Variants in NSD1 observed in about 807,000 individuals in gnomAD.
NSD1 encodes nuclear receptor binding SET domain protein 1, also known as histone-lysine N-methyltransferase, H3 lysine-36 specific.
In NSD1, 26 loss-of-function variants were observed where a neutral mutation model predicts 242.7. The ratio of observed to expected loss-of-function variants is 0.11; its 90% CI spans 0.08 to 0.15. The LOEUF (loss-of-function observed/expected upper bound fraction) is 0.15, where lower values mean the gene tolerates loss of function less well. Ranked by LOEUF, NSD1 falls within the 10% of genes least tolerant of loss-of-function variation. The pLI is 1.00. For missense variants in NSD1, 2,495 were observed against 3,272.8 expected (o/e 0.76, Z 5.80); for synonymous variants, 1,106 against 1,178.1 (o/e 0.94, Z 1.25).
chr5:177,225,193 G>A (rs776858027), intron 5 of NSD1, among the ~76,000 whole-genome samples: 5 of 152,044 alleles, frequency 3.3e-5, no homozygotes, highest in Admixed American at 6.6e-5. Context: ...CATCGCCCAG[G>A]CTTCAGTGGT....
chr5:177,230,944 A>C (rs868439525), intron 5 of NSD1, among the ~76,000 whole-genome samples: 2 of 152,060 alleles, frequency 1.3e-5, no homozygotes, highest in Non-Finnish European at 2.9e-5. Context: ...TTAGTGATGG[A>C]TGGGGATAAA....
At chr5:177,271,358 C>A (rs574111523) in intron 16 of NSD1, among the ~76,000 whole-genome samples, 1 of 151,884 alleles carries the variant, frequency 6.6e-6, no homozygotes, top group Non-Finnish European at 1.5e-5. Flanking sequence ...TTTGCCAGAC[C>A]CTGTTCTGTG....
chr5:177,242,385 A>G (rs1281093188), intron 8 of NSD1, among the ~76,000 whole-genome samples: 2 of 152,182 alleles, frequency 1.3e-5, no homozygotes, highest in Non-Finnish European at 2.9e-5. Context: ...TCTGATATAT[A>G]GTGAACGTGA....
intron 2 of NSD1, among the ~76,000 whole-genome samples, chr5:177,166,485 C>T (rs1185810543): frequency 2.7e-5 from 4 of 150,734 alleles, no homozygotes; most frequent in Non-Finnish European, 2.9e-5. Flanking sequence ...CTGGAGGCTG[C>T]AGTGAGTGAA....
intron 8 of NSD1, among the ~76,000 whole-genome samples, chr5:177,241,224 C>T (rs544933167): frequency 4.5e-4 from 68 of 151,840 alleles, no homozygotes; most frequent in East Asian, 1.2e-3. Flanking sequence ...TGGCTGGGTG[C>T]GGTGGCTCAC....
At chr5:177,181,125 G>A (rs556626742) in intron 2 of NSD1, among the ~76,000 whole-genome samples, 156 of 149,094 alleles carry the variant, frequency 1.0e-3, no homozygotes, top group African/African-American at 3.8e-3. Context: ...TGCAAACTCC[G>A]CCTCCCAGGT....
At chr5:177,132,171 G>A (rs1205131867), upstream of NSD1, among the ~76,000 whole-genome samples, 2 of 152,078 alleles carry the variant, frequency 1.3e-5, no homozygotes, top group Non-Finnish European at 2.9e-5. This position sits in a 1 kb window ranked among gnomAD's most constrained non-coding sequence, Gnocchi z 7.5. Flanking sequence ...GTCCCGGCCA[G>A]CCGGGCGGTC....
At chr5:177,199,579 A>ATTTTCTTTTC (rs372397508) in intron 3 of NSD1, among the ~76,000 whole-genome samples, 55 of 127,812 alleles carry the variant, frequency 4.3e-4, no homozygotes, top group South Asian at 1.9e-3. Context: ...TCAACTTAAT[A>ATTTTCTTTTC]TTTTCTTTTC....
rs554071952 is a variant in NSD1, at chr5:177,200,072, T to C, written c.1064-4048T>C. ...CATTGGTTATTTGACTTTTAAAAAA[T>C]AGACAAAACATAAATTTAATGTTTT... On this transcript the variant is annotated intron_variant, in intron 3 of 22. Coordinates refer to ENST00000439151, the MANE Select transcript of NSD1 (RefSeq NM_022455.5). Among the ~76,000 whole-genome samples the C allele has an allele frequency of 5.0e-4, 76 of 152,204 alleles. 1 individual carries two copies. Among genetic ancestry groups the C allele is most frequent in the African/African-American group, 1.7e-3 (72 of 41,538 alleles).
chr5:177,192,621 C>T (rs1197619693), intron 3 of NSD1, among the ~76,000 whole-genome samples: 2 of 152,266 alleles, frequency 1.3e-5, no homozygotes, highest in Non-Finnish European at 2.9e-5. Flanking sequence ...GTCTCGAGCT[C>T]CCGACCTCAG....
At chr5:177,218,424 T>G (rs1763952918) in intron 5 of NSD1, among the ~76,000 whole-genome samples, 1 of 152,168 alleles carries the variant, frequency 6.6e-6, no homozygotes, top group Non-Finnish European at 1.5e-5. Flanking sequence ...TTGTCAGATG[T>G]TTTTTCTACC....
Position 177,134,979 on chromosome 5 carries a change from G to T in NSD1, c.-17-108G>T. The T allele has an allele frequency of 1.1e-6, 1 of 939,086 alleles. No homozygotes were observed. The allele number at this position is 939,086 out of a possible 1,614,324, so 58.2% of individuals were successfully genotyped here. On this transcript the variant is annotated intron_variant, in intron 1 of 22. Transcript: ENST00000439151. The surrounding 1 kb of genome is among the most constrained non-coding windows in gnomAD (Gnocchi z 4.2). ...GGGAACTTTTTCTGCCCATGGAAGT[G>T]CAGCAGAAAGGCATAGAGGCCACTA...
At chr5:177,213,691 CT>C (rs1402477567) in intron 5 of NSD1, among the ~76,000 whole-genome samples, 4 of 152,074 alleles carry the variant, frequency 2.6e-5, no homozygotes, top group Non-Finnish European at 4.4e-5. Context: ...AGGATGGTCT[CT>C]GATCTCCTGA....
intron 2 of NSD1, among the ~76,000 whole-genome samples, chr5:177,182,782 C>T (rs543949438): frequency 5.9e-5 from 9 of 152,150 alleles, no homozygotes; most frequent in Middle Eastern, 3.4e-3. Context: ...GGATTACAGG[C>T]GCCTGCCATT....
chr5:177,271,046 C>T (rs981332435), intron 16 of NSD1, among the ~76,000 whole-genome samples: 6 of 152,118 alleles, frequency 3.9e-5, no homozygotes, highest in South Asian at 2.1e-4. Context: ...GGGGAGAAGG[C>T]GGAGTATAAG....
intron 2 of NSD1, among the ~76,000 whole-genome samples, chr5:177,142,424 G>A (rs541327884): frequency 8.5e-5 from 13 of 152,324 alleles, no homozygotes; most frequent in South Asian, 4.1e-4. Context: ...TAGGTGTTAT[G>A]TATGCAGTAC....
At chr5:177,232,932 G>C (rs1281123595) in intron 5 of NSD1, among the ~76,000 whole-genome samples, 1 of 152,178 alleles carries the variant, frequency 6.6e-6, no homozygotes, top group Non-Finnish European at 1.5e-5. Flanking sequence ...TGTATGATGA[G>C]ACAGGCCCTA....
At position 177,294,601 on chromosome 5, in the gene NSD1, T is replaced by G. The variant is rs1760119548; in HGVS notation, c.7233T>G (p.His2411Gln). The G allele has an allele frequency of 6.2e-7, 1 of 1,614,216 alleles. No homozygotes were observed. The highest frequency in any genetic ancestry group is 2.2e-5 in the East Asian group (1 of 44,886). ...QTSDRPTDKP[H>Q]ASLSQRLPPP... ...CAGACAGGCCTACTGACAAACCCCA[T>G]GCCTCTTTGTCCCAGAGACTCCCAC... The change falls in exon 23 of 23, where the codon CAT (histidine) becomes CAG (glutamine). Residue 2411 changes from histidine to glutamine, a missense_variant. This residue lies in a region of NSD1 where 475 missense variants were observed against 563.7 expected (regional missense o/e 0.84). Transcript: ENST00000439151.
At chr5:177,192,740 AG>A (rs1294326493) in intron 3 of NSD1, among the ~76,000 whole-genome samples, 1 of 152,186 alleles carries the variant, frequency 6.6e-6, no homozygotes, top group East Asian at 1.9e-4. Flanking sequence ...CATGTTGGCC[AG>A]GCTGGTCTTG....
Sources: allele counts gnomAD v4.1 joint callset (sites outside exome capture counted in the v4.1 genomes callset), GRCh38; gene constraint gnomAD v4.1.1; regional missense constraint gnomAD v4.1.1; non-coding constraint Gnocchi (gnomAD v3.1); transcripts MANE v1.5; gene names NCBI Gene and HGNC (gene_info 2026-07-23, HGNC 2026-07-21).